Variants in BDNF observed in about 807,000 individuals in gnomAD.
BDNF encodes neurotrophic factor BDNF precursor form.
A neutral mutation model predicts 19.5 loss-of-function variants in BDNF; 1 was observed. The ratio of observed to expected loss-of-function variants is 0.05; its 90% CI spans 0.02 to 0.24. BDNF has a LOEUF of 0.24. Ranked by LOEUF, BDNF falls within the 10% of genes least tolerant of loss-of-function variation. The pLI is 1.00. For synonymous variants in BDNF, 100 were observed against 121.6 expected, an observed-to-expected ratio of 0.82 and a Z score of 1.17; for missense variants, 195 against 317.6, an observed-to-expected ratio of 0.61 and a Z score of 2.93.
upstream of BDNF, chr11:27,701,114 C>T: frequency 7.7e-7 from 1 of 1,292,640 alleles, no homozygotes; most frequent in Middle Eastern, 2.1e-4. Context: ...CTAGAGTTTG[C>T]CTAATAGGAA....
intron 1 of BDNF, among the ~76,000 whole-genome samples, chr11:27,707,513 T>C (rs1010621070): frequency 3.3e-5 from 5 of 152,224 alleles, no homozygotes; most frequent in African/African-American, 1.2e-4. Context: ...CCAGGGACTT[T>C]GTAACCAAAA....
chr11:27,703,020 G>T (rs542343217), upstream of BDNF, among the ~76,000 whole-genome samples: 1 of 152,200 alleles, frequency 6.6e-6, no homozygotes, highest in East Asian at 1.9e-4. Context: ...CATATTCTTC[G>T]AGTGTCACAC....
chr11:27,697,326 T>C (rs1459889549), intron 1 of BDNF, among the ~76,000 whole-genome samples: 2 of 152,202 alleles, frequency 1.3e-5, no homozygotes, highest in Admixed American at 1.3e-4. Context: ...AGAAATGATA[T>C]CAATCATCTA....
At chr11:27,701,440 G>C, upstream of BDNF, 9 of 1,036,774 alleles carry the variant, frequency 8.7e-6, no homozygotes, top group Non-Finnish European at 1.0e-5. Flanking sequence ...TTTGGTGCCC[G>C]GTATGTACTC....
At chr11:27,661,206 G>A (rs1212073749) in intron 1 of BDNF, among the ~76,000 whole-genome samples, 1 of 150,160 alleles carries the variant, frequency 6.7e-6, no homozygotes, top group East Asian at 1.9e-4. Flanking sequence ...TGCTCTCTGA[G>A]TGGCACTTCT....
intron 1 of BDNF, chr11:27,659,649 G>GTC: frequency 1.1e-6 from 1 of 935,006 alleles, no homozygotes; most frequent in Non-Finnish European, 1.3e-6. Flanking sequence ...GTGTGTGTGT[G>GTC]CGCGCGCGCG....
At chr11:27,670,442 C>T (rs1249097160) in intron 1 of BDNF, among the ~76,000 whole-genome samples, 1 of 152,084 alleles carries the variant, frequency 6.6e-6, no homozygotes, top group Non-Finnish European at 1.5e-5. Flanking sequence ...TTCTGCACAG[C>T]AAAAGAAACT....
chr11:27,697,643 T>C (rs963440836), intron 1 of BDNF: 1 of 152,214 alleles, frequency 6.6e-6, no homozygotes, highest in Non-Finnish European at 1.5e-5. Flanking sequence ...TTCCATTGGT[T>C]TGCAAGTAAA....
chr11:27,713,315 C>A (rs1860410359), intron 1 of BDNF, among the ~76,000 whole-genome samples: 1 of 152,226 alleles, frequency 6.6e-6, no homozygotes, highest in East Asian at 1.9e-4. Flanking sequence ...GCCAGAACAA[C>A]AATGAGCATG....
chr11:27,718,693 C>T (rs1256244476), intron 1 of BDNF, among the ~76,000 whole-genome samples: 2 of 151,676 alleles, frequency 1.3e-5, no homozygotes, highest in Non-Finnish European at 2.9e-5. Context: ...CCTTTGTGTG[C>T]CGAGCAGCCT....
intron 1 of BDNF, among the ~76,000 whole-genome samples, chr11:27,716,122 G>A (rs529430828): frequency 1.1e-4 from 17 of 152,242 alleles, no homozygotes; most frequent in Non-Finnish European, 1.9e-4. Context: ...TGAAACACGT[G>A]TATCTTTCTC....
intron 1 of BDNF, among the ~76,000 whole-genome samples, chr11:27,669,664 C>T (rs1855006565): frequency 6.6e-6 from 1 of 152,106 alleles, no homozygotes; most frequent in Admixed American, 6.6e-5. Flanking sequence ...ACAATTGTTT[C>T]AAAGAGAATA....
chr11:27,700,274 G>A lies in BDNF; in HGVS notation c.-132C>T. The A allele has an allele frequency of 1.0e-6, 1 of 985,400 alleles. No individual in the cohort carries two copies. Among genetic ancestry groups the A allele is most frequent in the South Asian group, 4.7e-5 (1 of 21,276 alleles). 61.0% of individuals were successfully genotyped at this position (985,400 alleles called of 1,614,324 possible). Reference sequence around the variant, plus strand: ...CCCGTCGCGGTGCTGCTCCCCGCCGGCCCCACAGCAGCGGTGGGTGTCTCA... The same window carrying A: ...CCCGTCGCGGTGCTGCTCCCCGCCGACCCCACAGCAGCGGTGGGTGTCTCA... On this transcript the variant is annotated 5_prime_UTR_variant, in exon 1 of 2. Coordinates refer to ENST00000356660, the MANE Select transcript of BDNF (RefSeq NM_001709.5).
chr11:27,715,349 G>T (rs1860471782), intron 1 of BDNF, among the ~76,000 whole-genome samples: 1 of 152,172 alleles, frequency 6.6e-6, no homozygotes, highest in Non-Finnish European at 1.5e-5. Flanking sequence ...TGACCTCTGA[G>T]AACCTTCCCA....
At chr11:27,700,827 T>C (rs1025975483), upstream of BDNF, 35 of 1,229,642 alleles carry the variant, frequency 2.8e-5, no homozygotes, top group Non-Finnish European at 2.5e-5. Context: ...AAACCCCGGC[T>C]GTGGGCGCTG....
In BDNF at chr11:27,700,442, G is replaced by A; in HGVS notation, c.-300C>T. On this transcript the variant is annotated 5_prime_UTR_variant, in exon 1 of 2. Transcript: ENST00000356660. ...CGGCGGCGGCAGCGTCGGGGACCCG[G>A]AGCTCCAGGCTGCGCCTTGCGCCCG... 1 of 984,716 alleles carries A rather than the reference G, an allele frequency of 1.0e-6. No homozygotes were observed. Among genetic ancestry groups the A allele is most frequent in the African/African-American group, 1.8e-5 (1 of 57,108 alleles). The allele number at this position is 984,716 out of a possible 1,614,324, so 61.0% of individuals were successfully genotyped here.
At position 27,666,482 on chromosome 11, in the gene BDNF, T is replaced by C. The variant is rs527758548; in HGVS notation, c.-21-7897A>G. Reference sequence around the variant, plus strand: ...TCAGTAATAACAAACTCCTCCGAGCTAAAGGAGGATGTTTGAACCTTTTAG... The same window carrying C: ...TCAGTAATAACAAACTCCTCCGAGCCAAAGGAGGATGTTTGAACCTTTTAG... On this transcript the variant is annotated intron_variant, in intron 1 of 1. Coordinates refer to ENST00000356660, the MANE Select transcript of BDNF (RefSeq NM_001709.5). 2.0e-4 allele frequency among the ~76,000 whole-genome samples: 30 copies of C among 152,300 alleles called. 1 individual carries two copies. The South Asian group carries it at 6.0e-3, about 30-fold the overall frequency.
intron 1 of BDNF, among the ~76,000 whole-genome samples, chr11:27,690,133 TG>T: frequency 6.6e-6 from 1 of 152,372 alleles, no homozygotes; most frequent in Admixed American, 6.5e-5. Flanking sequence ...AAGGCAATCC[TG>T]TATTAATATT....
chr11:27,691,313 C>G (rs183509668), intron 1 of BDNF, among the ~76,000 whole-genome samples: 13 of 152,072 alleles, frequency 8.5e-5, no homozygotes, highest in African/African-American at 3.1e-4. Context: ...AATGGAGAGC[C>G]ATATCAAGGA....
Sources: gnomAD v4.1 joint callset for allele counts (sites outside exome capture counted in the v4.1 genomes callset) on GRCh38, gnomAD v4.1.1 for gene constraint, MANE v1.5 for transcripts, NCBI Gene and HGNC (gene_info 2026-07-23, HGNC 2026-07-21) for gene names.